AIG1: variants seen among roughly 807,000 people sequenced by gnomAD.
AIG1 encodes androgen induced 1, also known as androgen-induced gene 1 protein.
In AIG1, 23 loss-of-function variants were observed where a neutral mutation model predicts 31.4. The observed-to-expected ratio is 0.73, with a 90% CI of 0.53 to 1.04. The LOEUF (loss-of-function observed/expected upper bound fraction) is 1.04. AIG1 is among the 50% of genes least tolerant of loss of function. The pLI is 0.00. For missense variants in AIG1, 274 were observed against 295.0 expected (o/e 0.93, Z 0.52); for synonymous variants, 100 against 110.5 (o/e 0.90, Z 0.60).
chr6:143,090,987 G>A (rs559219294), intron 1 of AIG1, among the ~76,000 whole-genome samples: 1 of 152,344 alleles, frequency 6.6e-6, no homozygotes, highest in African/African-American at 2.4e-5. Context: ...CTAAGTGTAT[G>A]TAATGTTCTA....
chr6:143,239,545 T>G (rs918716331), intron 3 of AIG1, among the ~76,000 whole-genome samples: 3 of 152,184 alleles, frequency 2.0e-5, no homozygotes, highest in African/African-American at 7.2e-5. Flanking sequence ...GGAAGGACCA[T>G]GTGTTCTATC....
At chr6:143,138,808 G>C (rs1783998728) in intron 2 of AIG1, among the ~76,000 whole-genome samples, 1 of 151,130 alleles carries the variant, frequency 6.6e-6, no homozygotes, top group East Asian at 1.9e-4. Flanking sequence ...CAGGAGAATA[G>C]CTTGAACCTG....
Position 143,280,478 on chromosome 6 carries a change from CT to C in AIG1, c.400-3631del, listed in dbSNP as rs1480667443. Among the ~76,000 whole-genome samples the C allele has an allele frequency of 6.6e-6, 1 of 152,154 alleles. No homozygotes were observed. The highest frequency in any genetic ancestry group is 1.5e-5 in the Non-Finnish European group (1 of 68,032). ...GAAAACATGGAATCAACCTAAATGC[CT>C]ATCAGTGACAGATTGGATAAGGAAA... On this transcript the variant is annotated intron_variant, in intron 3 of 5. Coordinates refer to ENST00000357847, the MANE Select transcript of AIG1 (RefSeq NM_016108.4). This position sits in a 1 kb window ranked among gnomAD's most constrained non-coding sequence, Gnocchi z 4.1.
intron 3 of AIG1, among the ~76,000 whole-genome samples, chr6:143,271,397 C>T (rs534246557): frequency 3.3e-5 from 5 of 152,322 alleles, no homozygotes; most frequent in Admixed American, 6.5e-5. Context: ...AACGGGTTCT[C>T]ATAAGTCAAA....
At chr6:143,239,650 C>T (rs1179860722) in intron 3 of AIG1, among the ~76,000 whole-genome samples, 2 of 152,238 alleles carry the variant, frequency 1.3e-5, no homozygotes, top group Non-Finnish European at 2.9e-5. Flanking sequence ...AACTTCTCCC[C>T]CTTCACATTA....
intron 2 of AIG1, among the ~76,000 whole-genome samples, chr6:143,149,475 C>T (rs112009933): frequency 0.019 from 2,638 of 141,770 alleles, 71 homozygotes; most frequent in African/African-American, 0.065. Flanking sequence ...TGCAGTGAGC[C>T]GAGATCGCGC....
In AIG1 at chr6:143,092,088, C is replaced by G. The variant is rs114126778; in HGVS notation, c.141+31022C>G. ...GAGGAATCACTGCCTGTGGCAGCTA[C>G]AGCCTTATGAAATACATTTATTTAT... is the stretch of plus-strand genomic sequence containing the variant. On this transcript the variant is annotated intron_variant, in intron 1 of 5. Transcript: ENST00000357847. 9.6e-3 allele frequency among the ~76,000 whole-genome samples: 1,456 copies of G among 152,168 alleles called. 17 individuals carry two copies. The highest frequency in any genetic ancestry group is 0.032 in the African/African-American group (1,332 of 41,512).
intron 4 of AIG1, among the ~76,000 whole-genome samples, chr6:143,287,750 A>C (rs1221720260): frequency 1.3e-5 from 2 of 151,300 alleles, no homozygotes; most frequent in South Asian, 2.1e-4. Context: ...AAAAAAAAAA[A>C]AAAAAAAAAA....
chr6:143,086,418 C>A (rs987752681), intron 1 of AIG1, among the ~76,000 whole-genome samples: 1 of 152,100 alleles, frequency 6.6e-6, no homozygotes, highest in African/African-American at 2.4e-5. Flanking sequence ...TCTCTCTCTG[C>A]CTTGACTTAC....
intron 1 of AIG1, among the ~76,000 whole-genome samples, chr6:143,120,230 A>G (rs1336104337): frequency 6.6e-6 from 1 of 152,164 alleles, no homozygotes; most frequent in Non-Finnish European, 1.5e-5. Context: ...CACCACACCC[A>G]GCCCAATATT....
intron 3 of AIG1, among the ~76,000 whole-genome samples, chr6:143,197,548 GA>G (rs1181475249): frequency 2.6e-5 from 4 of 152,162 alleles, no homozygotes; most frequent in Non-Finnish European, 5.9e-5. Context: ...CACTCAACCA[GA>G]ATATATTTTT....
intron 3 of AIG1, among the ~76,000 whole-genome samples, chr6:143,174,739 G>C (rs1465866614): frequency 6.6e-6 from 1 of 152,066 alleles, no homozygotes. Context: ...CTATTCACTT[G>C]GTTGGTTAAT....
At chr6:143,272,919 A>G (rs902826681) in intron 3 of AIG1, among the ~76,000 whole-genome samples, 12 of 152,194 alleles carry the variant, frequency 7.9e-5, no homozygotes, top group African/African-American at 2.9e-4. Context: ...TCACAAGGTC[A>G]GGAGTTCAAG....
intron 1 of AIG1, among the ~76,000 whole-genome samples, chr6:143,129,380 GTCT>G (rs370028544): frequency 1.6e-4 from 24 of 152,188 alleles, no homozygotes; most frequent in African/African-American, 5.6e-4. Context: ...CTTTGGGGAA[GTCT>G]TCTTAGCAGT....
intron 1 of AIG1, among the ~76,000 whole-genome samples, chr6:143,061,962 C>T (rs1349378720): frequency 6.6e-6 from 1 of 152,166 alleles, no homozygotes; most frequent in Admixed American, 6.5e-5. Context: ...TAGGAAGAGG[C>T]TTAAAACAAA....
At chr6:143,225,135 C>G (rs1283081294) in intron 3 of AIG1, among the ~76,000 whole-genome samples, 2 of 152,182 alleles carry the variant, frequency 1.3e-5, no homozygotes, top group Non-Finnish European at 1.5e-5. Flanking sequence ...CTGGAGTCTT[C>G]CCTCCTGTCT....
chr6:143,234,732 C>T (rs1471811830), intron 3 of AIG1, among the ~76,000 whole-genome samples: 2 of 152,076 alleles, frequency 1.3e-5, no homozygotes, highest in African/African-American at 2.4e-5. Flanking sequence ...TAGGATATTT[C>T]TGTCAGAAAA....
intron 3 of AIG1, among the ~76,000 whole-genome samples, chr6:143,249,086 G>A (rs1325257842): frequency 6.6e-6 from 1 of 152,150 alleles, no homozygotes; most frequent in Non-Finnish European, 1.5e-5. Context: ...ATTAGGGTAA[G>A]TTTACCACAA....
In AIG1 at chr6:143,333,260, C is replaced by T; in HGVS notation, c.516-22C>T. 1 of 1,592,306 alleles carries T rather than the reference C, an allele frequency of 6.3e-7. No individual in the cohort carries two copies. The highest frequency in any genetic ancestry group is 1.1e-5 in the South Asian group (1 of 87,524). On this transcript the variant is annotated intron_variant, in intron 4 of 5. Coordinates refer to ENST00000357847, the MANE Select transcript of AIG1 (RefSeq NM_016108.4). The surrounding 1 kb of genome is among the most constrained non-coding windows in gnomAD (Gnocchi z 4.6). Reference sequence around the variant, plus strand: ...CCATAAGAGTGACTCCTGTCCTTGTCTCCTTTCCGATTCTTTTGCAGGGTG... The same window carrying T: ...CCATAAGAGTGACTCCTGTCCTTGTTTCCTTTCCGATTCTTTTGCAGGGTG...
Sources: allele counts gnomAD v4.1 joint callset (sites outside exome capture counted in the v4.1 genomes callset), GRCh38; gene constraint gnomAD v4.1.1; non-coding constraint Gnocchi (gnomAD v3.1); transcripts MANE v1.5; gene names NCBI Gene and HGNC (gene_info 2026-07-23, HGNC 2026-07-21).